Variants in CABIN1 observed in about 807,000 individuals in gnomAD.
CABIN1 encodes calcineurin-binding protein cabin-1.
In CABIN1, 133 loss-of-function variants were observed where a neutral mutation model predicts 227.7. The ratio of observed to expected loss-of-function variants is 0.58; its 90% CI spans 0.51 to 0.67. The LOEUF is 0.67. CABIN1 is among the 30% of genes least tolerant of loss of function. The pLI, the probability that CABIN1 is intolerant of heterozygous loss-of-function variation, is 0.00. For missense variants in CABIN1, 2,408 were observed against 2,852.5 expected, an observed-to-expected ratio of 0.84 and a Z score of 3.55; for synonymous variants, 1,086 against 1,155.1, an observed-to-expected ratio of 0.94 and a Z score of 1.21.
At chr22:24,138,556 C>A (rs965848561) in intron 29 of CABIN1, among the ~76,000 whole-genome samples, 1 of 152,234 alleles carries the variant, frequency 6.6e-6, no homozygotes, top group South Asian at 2.1e-4. Flanking sequence ...GATGTTCCTA[C>A]AACCCCCTTT....
rs963971428 is a variant in CABIN1 at position 24,175,873 on chromosome 22, C to T, written c.6041-238C>T. 3.6e-4 allele frequency: 221 copies of T among 613,338 alleles called. 1 individual carries two copies. The highest frequency in any genetic ancestry group is 9.4e-5 in the Non-Finnish European group (32 of 339,348). 38.0% of individuals were successfully genotyped at this position (613,338 alleles called of 1,614,324 possible). On this transcript the variant is annotated intron_variant, in intron 34 of 36. Coordinates refer to ENST00000263119, the MANE Select transcript of CABIN1 (RefSeq NM_012295.4). Reference sequence around the variant, plus strand: ...CACTGGGTCAGGTGTATAGCCCTCTCGGGAGGCGGAGGAGCCCTCTGGGGG... The same window carrying T: ...CACTGGGTCAGGTGTATAGCCCTCTTGGGAGGCGGAGGAGCCCTCTGGGGG...
At chr22:24,090,794 C>A (rs1473091770) in intron 23 of CABIN1, among the ~76,000 whole-genome samples, 1 of 152,076 alleles carries the variant, frequency 6.6e-6, no homozygotes, top group Non-Finnish European at 1.5e-5. Context: ...GGCTTCCCTG[C>A]TATCAATCCA....
At position 24,119,831 on chromosome 22, in the gene CABIN1, T is replaced by G. The variant is rs535395640; in HGVS notation, c.4632+133T>G. The G allele has an allele frequency of 3.3e-5, 31 of 950,020 alleles. No homozygotes were observed. The East Asian group carries it at 7.3e-4, about 22-fold the overall frequency. The allele number at this position is 950,020 out of a possible 1,614,324, so 58.8% of individuals were successfully genotyped here. On this transcript the variant is annotated intron_variant, in intron 28 of 36. Transcript: ENST00000263119. Reference sequence around the variant, plus strand: ...CATGGGAGGGATGGGCGAGGAGAGCTGCAGGAGGCAGGGCCAGCCCCAGGA... The same window carrying G: ...CATGGGAGGGATGGGCGAGGAGAGCGGCAGGAGGCAGGGCCAGCCCCAGGA...
chr22:24,128,791 G>T (rs910961176), intron 28 of CABIN1, among the ~76,000 whole-genome samples: 1 of 152,196 alleles, frequency 6.6e-6, no homozygotes. Context: ...CACCTTCCTG[G>T]CAGCCCTGTG....
At chr22:24,133,290 C>T (rs1365778203) in intron 28 of CABIN1, among the ~76,000 whole-genome samples, 2 of 152,204 alleles carry the variant, frequency 1.3e-5, no homozygotes, top group Non-Finnish European at 2.9e-5. Flanking sequence ...CCACAGCCAG[C>T]GAGTCAGGGA....
intron 29 of CABIN1, among the ~76,000 whole-genome samples, chr22:24,154,088 C>T (rs2148513181): frequency 6.6e-6 from 1 of 152,310 alleles, no homozygotes; most frequent in African/African-American, 2.4e-5. Context: ...ACCTGGAGGC[C>T]TCTGGGATGC....
intron 29 of CABIN1, among the ~76,000 whole-genome samples, chr22:24,148,596 C>A (rs540410990): frequency 6.6e-6 from 1 of 152,384 alleles, no homozygotes; most frequent in East Asian, 1.9e-4. Context: ...TTTAGTCCTG[C>A]TGTGACTTCC....
chr22:24,158,131 G>A (rs532823173), intron 29 of CABIN1, among the ~76,000 whole-genome samples: 2 of 152,322 alleles, frequency 1.3e-5, no homozygotes, highest in African/African-American at 2.4e-5. Flanking sequence ...TCACAGTGTC[G>A]TGTTTTCTGT....
chr22:24,099,221 C>T lies in CABIN1; in HGVS notation c.4117+1029C>T, dbSNP rs2042068982. On this transcript the variant is annotated intron_variant, in intron 26 of 36. Coordinates refer to ENST00000263119, the MANE Select transcript of CABIN1 (RefSeq NM_012295.4). ...TCCTGGATATAGCATGGGCATCTGC[C>T]TCCAACTTTCTGAACTAAGTGGGTA... Among the ~76,000 whole-genome samples the T allele has an allele frequency of 3.3e-5, 5 of 152,160 alleles. No individual in the cohort carries two copies. In the South Asian group the frequency reaches 1.0e-3, roughly 32 times the overall value.
chr22:24,072,343 C>T lies in CABIN1; in HGVS notation c.2476-11C>T, dbSNP rs375345573. On this transcript the variant is annotated splice_polypyrimidine_tract_variant and intron_variant, in intron 17 of 36. Transcript: ENST00000263119. ...GTGACACTTCTGCTGTCTCCCACCCCGCACTGTCAGGTCATTGACTGCAGC... is the reference window on the plus strand; with the variant it reads ...GTGACACTTCTGCTGTCTCCCACCCTGCACTGTCAGGTCATTGACTGCAGC... 46 of 1,613,956 alleles carry T rather than the reference C, an allele frequency of 2.9e-5. No homozygotes were observed. The Admixed American group carries it at 4.5e-4, about 16-fold the overall frequency.
rs750779134 is a variant in CABIN1, at chr22:24,176,281, G to C, written c.6205+6G>C. On this transcript the variant is annotated splice_donor_region_variant and intron_variant, in intron 35 of 36. Coordinates refer to ENST00000263119, the MANE Select transcript of CABIN1 (RefSeq NM_012295.4). Reference sequence around the variant, plus strand: ...TGAGCCCACCTGCAGCCAGGGTAAGGCGAGTTGGGAGCAGCCCAGCACCAG... The same window carrying C: ...TGAGCCCACCTGCAGCCAGGGTAAGCCGAGTTGGGAGCAGCCCAGCACCAG... The C allele has an allele frequency of 1.9e-6, 3 of 1,594,948 alleles. No homozygotes were observed. Among genetic ancestry groups the C allele is most frequent in the East Asian group, 4.6e-5 (2 of 43,828 alleles).
At chr22:24,132,062 C>CAAAA (rs34365542) in intron 28 of CABIN1, among the ~76,000 whole-genome samples, 1 of 114,804 alleles carries the variant, frequency 8.7e-6, no homozygotes, top group African/African-American at 3.3e-5. Context: ...ACTCTGTCTC[C>CAAAA]AAAAAAAAAA....
intron 28 of CABIN1, among the ~76,000 whole-genome samples, chr22:24,129,497 C>T (rs559929696): frequency 1.3e-5 from 2 of 152,360 alleles, no homozygotes; most frequent in African/African-American, 4.8e-5. Flanking sequence ...CCTCCTCCCT[C>T]AACCTGACAT....
At position 24,178,223 on chromosome 22, in the gene CABIN1, C is replaced by T; in HGVS notation, c.*27C>T. On this transcript the variant is annotated 3_prime_UTR_variant, in exon 37 of 37. Transcript: ENST00000263119. Reference sequence around the variant, plus strand: ...GGGCCACTGCAGCCCCACCGCCACGCCCCAGGGGACCAGCCAGGCCTGGAA... The same window carrying T: ...GGGCCACTGCAGCCCCACCGCCACGTCCCAGGGGACCAGCCAGGCCTGGAA... The T allele has an allele frequency of 1.9e-6, 3 of 1,612,064 alleles. No individual in the cohort carries two copies. Among genetic ancestry groups the T allele is most frequent in the Non-Finnish European group, 2.5e-6 (3 of 1,179,682 alleles).
chr22:24,050,784 T>G (rs1181072966), intron 7 of CABIN1, 41 bp from the exon 8 acceptor site: 2 of 1,613,516 alleles, frequency 1.2e-6, no homozygotes, highest in African/African-American at 2.7e-5. Context: ...TCAGTTTTAG[T>G]TTGTAACATG....
intron 30 of CABIN1, among the ~76,000 whole-genome samples, chr22:24,165,079 G>A (rs548646827): frequency 2.0e-5 from 3 of 152,352 alleles, no homozygotes; most frequent in African/African-American, 7.2e-5. Flanking sequence ...ACGCAGCTCA[G>A]ATGTAGATGG....
intron 29 of CABIN1, among the ~76,000 whole-genome samples, chr22:24,150,894 T>C (rs1471709387): frequency 6.6e-6 from 1 of 152,202 alleles, no homozygotes; most frequent in African/African-American, 2.4e-5. Flanking sequence ...GTGGGAGGCC[T>C]TGGTGCCGTA....
rs952979754 is a variant in CABIN1, at chr22:24,119,413, A to G, written c.4347A>G (p.Ala1449=). The change falls in exon 28 of 37, where the codon GCA becomes GCG. Residue 1449 remains alanine (A), a synonymous_variant. Coordinates refer to ENST00000263119, the MANE Select transcript of CABIN1 (RefSeq NM_012295.4). ...SLESTEGFRA[A]EQGVQKPAAE... ...AGAGTACAGAAGGCTTCCGGGCTGC[A>G]GAGCAAGGTGTCCAGAAGCCTGCTG... 3.7e-6 allele frequency: 6 copies of G among 1,613,984 alleles called. No homozygotes were observed. The highest frequency in any genetic ancestry group is 5.1e-6 in the Non-Finnish European group (6 of 1,180,044).
intron 1 of CABIN1, among the ~76,000 whole-genome samples, chr22:24,029,032 C>T (rs1216977879): frequency 6.6e-6 from 1 of 152,074 alleles, no homozygotes; most frequent in Non-Finnish European, 1.5e-5. Flanking sequence ...ATTTGTATAT[C>T]TTAGGAAAAA....
Sources: allele counts gnomAD v4.1 joint callset (sites outside exome capture counted in the v4.1 genomes callset), GRCh38; gene constraint gnomAD v4.1.1; transcripts MANE v1.5; gene names NCBI Gene and HGNC (gene_info 2026-07-23, HGNC 2026-07-21).